The following ATAD2B variants were observed in gnomAD, a reference collection of about 807,000 sequenced individuals.
ATAD2B encodes the protein ATPase family AAA domain-containing protein 2B.
Under a neutral mutation model 167.6 loss-of-function variants are expected in ATAD2B, and 40 were observed. The observed-to-expected ratio is 0.24, with a 90% CI of 0.19 to 0.31. The LOEUF is 0.31. Ranked by LOEUF, ATAD2B falls within the 10% of genes least tolerant of loss-of-function variation. The pLI is 1.00. For missense variants in ATAD2B, 1,242 were observed against 1,757.2 expected (o/e 0.71, Z 5.24); for synonymous variants, 579 against 596.5 (o/e 0.97, Z 0.43).
intron 1 of ATAD2B, among the ~76,000 whole-genome samples, chr2:23,906,637 T>C (rs1000181567): frequency 1.3e-5 from 2 of 152,062 alleles, no homozygotes; most frequent in Admixed American, 1.3e-4. Context: ...ATCATCCTGA[T>C]ACCAAAGCCA....
intron 24 of ATAD2B, among the ~76,000 whole-genome samples, chr2:23,761,421 A>G (rs774564946): frequency 2.0e-5 from 3 of 152,244 alleles, no homozygotes; most frequent in East Asian, 1.9e-4. Flanking sequence ...GGAGCATTTC[A>G]GATATCTGAT....
chr2:23,755,122 C>G (rs1675803203), intron 25 of ATAD2B: 1 of 156,626 alleles, frequency 6.4e-6, no homozygotes, highest in Non-Finnish European at 1.4e-5. Context: ...CAACTGGGAG[C>G]TTTCAGAACC....
intron 2 of ATAD2B, among the ~76,000 whole-genome samples, chr2:23,893,939 C>T (rs1442947330): frequency 1.3e-5 from 2 of 152,020 alleles, no homozygotes; most frequent in Non-Finnish European, 2.9e-5. Flanking sequence ...TCTGGGATTA[C>T]AGGCATGAGC....
At chr2:23,718,591 C>A in the ATAD2B span, among the ~76,000 whole-genome samples, 1 of 152,134 alleles carries the variant, frequency 6.6e-6, no homozygotes, top group Non-Finnish European at 1.5e-5. Context: ...CTTGCCCCTG[C>A]GTGGTGCACA....
At chr2:23,696,200 G>T in the ATAD2B span, 1 of 1,509,060 alleles carries the variant, frequency 6.6e-7, no homozygotes, top group Non-Finnish European at 8.9e-7. This position sits in a 1 kb window ranked among gnomAD's most constrained non-coding sequence, Gnocchi z 5.5. Context: ...CCCCACGTCA[G>T]GGCTGAGGAA....
intron 9 of ATAD2B, among the ~76,000 whole-genome samples, chr2:23,868,859 T>C (rs1695524470): frequency 6.6e-6 from 1 of 152,194 alleles, no homozygotes; most frequent in Non-Finnish European, 1.5e-5. Context: ...CAAAAAAGTC[T>C]AGCATCTATA....
chr2:23,896,008 T>C (rs1313627740), intron 1 of ATAD2B, 38 bp from the exon 2 acceptor site: 21 of 1,527,392 alleles, frequency 1.4e-5, no homozygotes, highest in Non-Finnish European at 1.8e-5. Flanking sequence ...ATTATTCCTA[T>C]TAAGATAAAT....
chr2:23,742,634 A>C, the ATAD2B span, among the ~76,000 whole-genome samples: 1 of 151,988 alleles, frequency 6.6e-6, no homozygotes, highest in Non-Finnish European at 1.5e-5. Flanking sequence ...CAGCACACCA[A>C]CATGGCACAT....
chr2:23,704,398 C>T, the ATAD2B span, among the ~76,000 whole-genome samples: 1 of 152,186 alleles, frequency 6.6e-6, no homozygotes, highest in Non-Finnish European at 1.5e-5. Flanking sequence ...GGCTTTCTGG[C>T]CCTGTGGCAG....
chr2:23,804,030 G>T (rs146356691), intron 18 of ATAD2B, among the ~76,000 whole-genome samples: 26 of 152,240 alleles, frequency 1.7e-4, no homozygotes, highest in African/African-American at 5.8e-4. Flanking sequence ...GAAAGGTGAA[G>T]CAAAAAGGAA....
intron 1 of ATAD2B, among the ~76,000 whole-genome samples, chr2:23,922,337 T>C (rs1034910136): frequency 2.7e-4 from 41 of 151,986 alleles, no homozygotes; most frequent in African/African-American, 9.2e-4. Context: ...AGGGCCAGAT[T>C]AACTGATCTA....
intron 24 of ATAD2B, among the ~76,000 whole-genome samples, chr2:23,759,596 A>C (rs1300556089): frequency 3.9e-5 from 6 of 152,162 alleles, no homozygotes; most frequent in Admixed American, 3.9e-4. Context: ...ATATCTCCTA[A>C]AGGTTTCTGA....
chr2:23,758,790 T>C (rs1331052281), intron 24 of ATAD2B, among the ~76,000 whole-genome samples: 2 of 152,196 alleles, frequency 1.3e-5, no homozygotes, highest in Non-Finnish European at 2.9e-5. Context: ...CCCTCTGCTA[T>C]CAAGGCAACA....
At chr2:23,712,530 C>T in the ATAD2B span, among the ~76,000 whole-genome samples, 3 of 152,188 alleles carry the variant, frequency 2.0e-5, no homozygotes, top group Non-Finnish European at 2.9e-5. Context: ...TGTGGAATCA[C>T]AGCCTCGGCC....
the ATAD2B span, among the ~76,000 whole-genome samples, chr2:23,738,534 G>C: frequency 6.6e-6 from 1 of 152,110 alleles, no homozygotes; most frequent in Non-Finnish European, 1.5e-5. Flanking sequence ...TGCCCTAAAA[G>C]AGCTCCTGAA....
At chr2:23,822,694 T>A (rs1317749939) in intron 16 of ATAD2B, among the ~76,000 whole-genome samples, 2 of 151,888 alleles carry the variant, frequency 1.3e-5, no homozygotes, top group South Asian at 2.1e-4. Context: ...GGTGGGAAGA[T>A]CACCTGAGGT....
chr2:23,706,496 T>C, the ATAD2B span: 1 of 1,530,794 alleles, frequency 6.5e-7, no homozygotes, highest in Non-Finnish European at 8.7e-7. Context: ...TGGTGCTTGA[T>C]GGCAAGATTT....
the ATAD2B span, among the ~76,000 whole-genome samples, chr2:23,724,801 T>C: frequency 6.6e-6 from 1 of 152,098 alleles, no homozygotes; most frequent in Non-Finnish European, 1.5e-5. Flanking sequence ...CCCAGCACTT[T>C]GGGAGGCCGA....
the ATAD2B span, chr2:23,684,357 C>A: frequency 3.0e-6 from 4 of 1,316,150 alleles, no homozygotes; most frequent in Non-Finnish European, 9.8e-7. The surrounding 1 kb of genome is among the most constrained non-coding windows in gnomAD (Gnocchi z 4.4). Flanking sequence ...AAAAAAAACT[C>A]TTAATGGGAA....
Sources: allele counts gnomAD v4.1 joint callset (sites outside exome capture counted in the v4.1 genomes callset), GRCh38; gene constraint gnomAD v4.1.1; non-coding constraint Gnocchi (gnomAD v3.1); transcripts MANE v1.5; gene names NCBI Gene and HGNC (gene_info 2026-07-23, HGNC 2026-07-21).